Variants in AGBL4 observed in about 807,000 individuals in gnomAD.
The protein encoded by AGBL4 is cytosolic carboxypeptidase 6.
AGBL4 carries 58 observed loss-of-function variants against 66.4 expected under a neutral mutation model. The observed-to-expected ratio is 0.87, with a 90% CI of 0.71 to 1.09. The LOEUF (loss-of-function observed/expected upper bound fraction) is 1.09, where lower values mean the gene tolerates loss of function less well. AGBL4 is among the 50% of genes least tolerant of loss of function. AGBL4 has a pLI of 0.00. For synonymous variants in AGBL4, 234 were observed against 222.9 expected, an observed-to-expected ratio of 1.05 and a Z score of -0.44; for missense variants, 579 against 631.0, an observed-to-expected ratio of 0.92 and a Z score of 0.88.
chr1:49,316,111 G>A (rs1645034966), intron 3 of AGBL4, among the ~76,000 whole-genome samples: 1 of 151,934 alleles, frequency 6.6e-6, no homozygotes, highest in Non-Finnish European at 1.5e-5. Context: ...AGAAGGGAGG[G>A]AGAAAGGGAC....
intron 3 of AGBL4, among the ~76,000 whole-genome samples, chr1:49,329,037 T>C (rs978491954): frequency 2.0e-5 from 3 of 152,220 alleles, no homozygotes; most frequent in African/African-American, 7.2e-5. Context: ...CCAGGCTCAG[T>C]GGCTCACGCC....
intron 3 of AGBL4, among the ~76,000 whole-genome samples, chr1:49,444,739 A>G (rs557167519): frequency 6.6e-6 from 1 of 152,014 alleles, no homozygotes; most frequent in South Asian, 2.1e-4. Context: ...GCAATTCTAT[A>G]CCTTTTAATT....
At chr1:48,758,762 G>C in intron 6 of AGBL4, 2 of 706,098 alleles carry the variant, frequency 2.8e-6, no homozygotes, top group South Asian at 5.7e-5. Context: ...CTTCCTTGAG[G>C]TAACTGGTAA....
At chr1:49,877,961 T>TACC (rs1421698919) in intron 1 of AGBL4, among the ~76,000 whole-genome samples, 24 of 152,302 alleles carry the variant, frequency 1.6e-4, no homozygotes, top group Admixed American at 1.1e-3. Context: ...GTGTTTGTAG[T>TACC]ATTCTCTGAT....
At chr1:49,009,222 A>G (rs965145481) in intron 5 of AGBL4, among the ~76,000 whole-genome samples, 9 of 152,008 alleles carry the variant, frequency 5.9e-5, no homozygotes, top group East Asian at 1.9e-4. Flanking sequence ...CAGAAATACA[A>G]ACTACCATCA....
rs1413406214 is a variant in AGBL4 at position 49,841,078 on chromosome 1, C to T, written c.157+10318G>A. 2.0e-5 allele frequency among the ~76,000 whole-genome samples: 3 copies of T among 152,188 alleles called. No individual in the cohort carries two copies. In the East Asian group the frequency reaches 5.8e-4, roughly 29 times the overall value. ...AAATTAAACTATGTTTTGTCACTTG[C>T]AATATGACTGTATACTTAGAAAACC... On this transcript the variant is annotated intron_variant, in intron 2 of 13. Coordinates refer to ENST00000371839, the MANE Select transcript of AGBL4 (RefSeq NM_032785.4).
chr1:49,172,042 G>C (rs1433470839), intron 4 of AGBL4, among the ~76,000 whole-genome samples: 2 of 152,270 alleles, frequency 1.3e-5, no homozygotes, highest in Non-Finnish European at 2.9e-5. Flanking sequence ...GCTAGAGACA[G>C]ACCATAATCT....
chr1:49,272,738 A>G (rs577176768), intron 3 of AGBL4, among the ~76,000 whole-genome samples: 2 of 152,246 alleles, frequency 1.3e-5, no homozygotes, highest in Non-Finnish European at 2.9e-5. Flanking sequence ...AAAAACTGGA[A>G]AGTCTTTATG....
chr1:48,834,545 C>A (rs1247910637), intron 6 of AGBL4, among the ~76,000 whole-genome samples: 1 of 152,102 alleles, frequency 6.6e-6, no homozygotes, highest in East Asian at 1.9e-4. Flanking sequence ...GGATTAATGT[C>A]TTTATAAGAA....
At chr1:49,392,251 T>C (rs562672548) in intron 3 of AGBL4, among the ~76,000 whole-genome samples, 1 of 152,218 alleles carries the variant, frequency 6.6e-6, no homozygotes, top group South Asian at 2.1e-4. Context: ...GCTACTATAT[T>C]AAGCAGCATA....
intron 2 of AGBL4, among the ~76,000 whole-genome samples, chr1:49,721,495 A>C (rs968388160): frequency 1.3e-5 from 2 of 152,174 alleles, no homozygotes; most frequent in Admixed American, 1.3e-4. Flanking sequence ...GTATGGCCAG[A>C]GTCCAATAAT....
At chr1:49,930,143 A>G (rs1287621940) in intron 1 of AGBL4, among the ~76,000 whole-genome samples, 2 of 152,060 alleles carry the variant, frequency 1.3e-5, no homozygotes, top group Non-Finnish European at 2.9e-5. Flanking sequence ...ATCACTATAG[A>G]CTCTACAGAT....
chr1:49,446,250 T>C, intron 3 of AGBL4, among the ~76,000 whole-genome samples: 1 of 152,230 alleles, frequency 6.6e-6, no homozygotes, highest in East Asian at 1.9e-4. Context: ...CACATTTCCT[T>C]TTTCATGTTT....
At chr1:49,198,860 G>C (rs986582877) in intron 4 of AGBL4, among the ~76,000 whole-genome samples, 79 of 150,558 alleles carry the variant, frequency 5.2e-4, no homozygotes, top group African/African-American at 1.9e-3. Flanking sequence ...TATTATATTT[G>C]GCCCGTCTAC....
intron 5 of AGBL4, among the ~76,000 whole-genome samples, chr1:48,998,842 G>A (rs1477147362): frequency 6.6e-6 from 1 of 152,140 alleles, no homozygotes; most frequent in African/African-American, 2.4e-5. Flanking sequence ...AACACATAGG[G>A]AAACATACTT....
chr1:48,781,133 T>A (rs1050819854), intron 6 of AGBL4, among the ~76,000 whole-genome samples: 1 of 152,116 alleles, frequency 6.6e-6, no homozygotes, highest in African/African-American at 2.4e-5. Flanking sequence ...TCACTGTAAA[T>A]CATTCCTATA....
chr1:49,824,441 T>C (rs1401466421), intron 2 of AGBL4, among the ~76,000 whole-genome samples: 2 of 152,166 alleles, frequency 1.3e-5, no homozygotes, highest in African/African-American at 4.8e-5. Context: ...ATTTGTCAAA[T>C]GAATGAGATA....
intron 2 of AGBL4, among the ~76,000 whole-genome samples, chr1:49,840,158 G>T (rs1237400225): frequency 1.3e-5 from 2 of 151,922 alleles, no homozygotes; most frequent in African/African-American, 4.8e-5. Flanking sequence ...ACTCAATATT[G>T]GTCTATTCAG....
intron 2 of AGBL4, among the ~76,000 whole-genome samples, chr1:49,835,419 G>A (rs1645820615): frequency 6.6e-6 from 1 of 151,896 alleles, no homozygotes; most frequent in South Asian, 2.1e-4. Context: ...CTATCCATTT[G>A]CTTGGTAAAT....
Sources: allele counts gnomAD v4.1 joint callset (sites outside exome capture counted in the v4.1 genomes callset), GRCh38; gene constraint gnomAD v4.1.1; transcripts MANE v1.5; gene names NCBI Gene and HGNC (gene_info 2026-07-23, HGNC 2026-07-21).